CROCC: variants seen among roughly 807,000 people sequenced by gnomAD.
The protein encoded by CROCC is rootletin.
Under a neutral mutation model 245.2 loss-of-function variants are expected in CROCC, and 180 were observed. The observed-to-expected ratio is 0.73, with a 90% CI of 0.65 to 0.83. The LOEUF is 0.83. CROCC is among the 40% of genes least tolerant of loss of function. The pLI, the probability that CROCC is intolerant of heterozygous loss-of-function variation, is 0.00. For missense variants in CROCC, 2,688 were observed against 2,779.4 expected (o/e 0.97, Z 0.74); for synonymous variants, 1,205 against 1,241.6 (o/e 0.97, Z 0.62).
At chr1:16,916,287 T>C (rs1413030375) in intron 1 of CROCC, among the ~76,000 whole-genome samples, 13 of 152,196 alleles carry the variant, frequency 8.5e-5, no homozygotes, top group African/African-American at 3.1e-4. Flanking sequence ...ACTTTGAACT[T>C]CATTTTAGGT....
At chr1:16,951,847 G>C (rs2076165147) in intron 20 of CROCC, 1 of 158,028 alleles carries the variant, frequency 6.3e-6, no homozygotes. Context: ...TTGGGTGGTT[G>C]TTACCACGCT....
At position 16,957,846 on chromosome 1, in the gene CROCC, C is replaced by G. The variant is rs184483648; in HGVS notation, c.3865-737C>G. On this transcript the variant is annotated intron_variant, in intron 25 of 36. Transcript: ENST00000375541. ...CTGATACTCTGATAGCCAGAGATAC[C>G]ACAGCCCCCTTCACCCAGGCCCCTT... is the stretch of plus-strand genomic sequence containing the variant. Among the ~76,000 whole-genome samples, 265 of 152,238 alleles carry G rather than the reference C, an allele frequency of 1.7e-3. 3 individuals are homozygous for G. The highest frequency in any genetic ancestry group is 6.1e-3 in the African/African-American group (252 of 41,546).
At chr1:16,923,230 C>T (rs962089604) in intron 2 of CROCC, among the ~76,000 whole-genome samples, 3 of 152,290 alleles carry the variant, frequency 2.0e-5, no homozygotes, top group African/African-American at 7.2e-5. Flanking sequence ...CTGCTCCTCT[C>T]AGTGGGTGGC....
intron 35 of CROCC, 25 bp downstream of exon 35, chr1:16,970,792 C>A: frequency 6.5e-7 from 1 of 1,543,640 alleles, no homozygotes. Context: ...AGTCCGGGAC[C>A]CCAACTTCAT....
At position 16,937,681 on chromosome 1, in the gene CROCC, C is replaced by A. The variant is rs865779643; in HGVS notation, c.1234C>A (p.Gln412Lys). 6.2e-7 allele frequency: 1 copy of A among 1,611,630 alleles called. No homozygotes were observed. Among genetic ancestry groups the A allele is most frequent in the South Asian group, 1.1e-5 (1 of 90,898 alleles). The change falls in exon 10 of 37, where the codon CAG (glutamine) becomes AAG (lysine). Residue 412 changes from glutamine (Q) to lysine (K), a missense_variant. Gln to Lys is a moderately conservative substitution (Grantham distance 53, BLOSUM62 1). Transcript: ENST00000375541. The stretch of plus-strand genomic sequence containing the variant: ...CCTGGCAGTGAAGCGTCTTGAGAAG[C>A]AGAATCTGGAGAAGGATCAGGTCAA... ...LGLAVKRLEK[Q>K]NLEKDQVNKD...
intron 17 of CROCC, 92 bp downstream of exon 17, chr1:16,947,083 G>C: frequency 8.5e-7 from 1 of 1,181,486 alleles, no homozygotes; most frequent in South Asian, 1.5e-5. Context: ...TTAAGTCACA[G>C]GCACTGGAGC....
chr1:16,916,052 T>C (rs1439647971), intron 1 of CROCC, among the ~76,000 whole-genome samples: 1 of 152,258 alleles, frequency 6.6e-6, no homozygotes, highest in Non-Finnish European at 1.5e-5. Flanking sequence ...GGTGCATGCC[T>C]GTAATCCCAG....
intron 1 of CROCC, among the ~76,000 whole-genome samples, chr1:16,915,845 G>T (rs2075296966): frequency 6.6e-6 from 1 of 152,254 alleles, no homozygotes. Context: ...CAGTGCAAAG[G>T]CCCAGAGGTG....
chr1:16,932,908 T>C (rs2075710183), intron 8 of CROCC, among the ~76,000 whole-genome samples: 1 of 152,274 alleles, frequency 6.6e-6, no homozygotes, highest in African/African-American at 2.4e-5. Context: ...AGCCTCCTCG[T>C]CTCAAGCAAT....
intron 33 of CROCC, 121 bp downstream of exon 33, chr1:16,970,055 T>C: frequency 2.3e-6 from 3 of 1,329,872 alleles, no homozygotes; most frequent in Non-Finnish European, 3.0e-6. Context: ...TAAGGAAACA[T>C]GGTTCATTCA....
chr1:16,923,372 T>A (rs1570582282), intron 2 of CROCC, among the ~76,000 whole-genome samples: 1 of 152,256 alleles, frequency 6.6e-6, no homozygotes, highest in African/African-American at 2.4e-5. Flanking sequence ...ACGGGCCCCC[T>A]CCTTGGGAGC....
intron 12 of CROCC, 68 bp downstream of exon 12, chr1:16,939,210 G>C: frequency 8.7e-7 from 1 of 1,155,296 alleles, no homozygotes; most frequent in Non-Finnish European, 1.1e-6. Context: ...CCCTCCGGGT[G>C]GGGGCGGGGG....
chr1:16,922,207 G>A (rs1213098066), intron 1 of CROCC, 129 bp downstream of exon 1: 8 of 1,006,430 alleles, frequency 7.9e-6, no homozygotes, highest in Admixed American at 6.4e-5. Context: ...GGTATACAGG[G>A]GCCCCCCGCT....
chr1:16,961,171 G>A (rs576080244), intron 27 of CROCC, 41 bp downstream of exon 27: 17,371 of 1,280,304 alleles, frequency 0.014, 125 homozygotes, highest in Non-Finnish European at 0.015. Flanking sequence ...GGAGGTGGGC[G>A]GGCCGCACTG....
At chr1:16,943,920 C>T (rs1321417079) in intron 13 of CROCC, among the ~76,000 whole-genome samples, 180 bp from the exon 14 acceptor site, 4 of 152,286 alleles carry the variant, frequency 2.6e-5, no homozygotes, top group Non-Finnish European at 5.9e-5. Flanking sequence ...CCAGGTTCTT[C>T]TGCTGGAGTG....
chr1:16,919,442 C>T (rs566206462), upstream of CROCC, among the ~76,000 whole-genome samples: 16 of 152,390 alleles, frequency 1.0e-4, no homozygotes, highest in South Asian at 6.2e-4. Context: ...CTTTGGGGCA[C>T]AGCATGGAGC....
chr1:16,972,279 C>T (rs971832194), intron 36 of CROCC, 81 bp from the exon 37 acceptor site: 6 of 1,059,808 alleles, frequency 5.7e-6, no homozygotes, highest in Non-Finnish European at 8.9e-6. Context: ...GGCACTGTGT[C>T]CCTCCGGGTT....
intron 3 of CROCC, among the ~76,000 whole-genome samples, chr1:16,928,302 C>T (rs1371699091): frequency 6.6e-6 from 1 of 152,270 alleles, no homozygotes; most frequent in African/African-American, 2.4e-5. Context: ...CCTCACCTCC[C>T]TTCCCCCAAC....
intron 25 of CROCC, 126 bp downstream of exon 25, chr1:16,956,282 T>C: frequency 1.0e-6 from 1 of 1,002,852 alleles, no homozygotes. Context: ...ACAAGCCCTC[T>C]CACCTAACCT....
Sources: gnomAD v4.1 joint callset for allele counts (sites outside exome capture counted in the v4.1 genomes callset) on GRCh38, gnomAD v4.1.1 for gene constraint, MANE v1.5 for transcripts, NCBI Gene and HGNC (gene_info 2026-07-23, HGNC 2026-07-21) for gene names.